PIEZO2: variants seen among roughly 807,000 people sequenced by gnomAD.
PIEZO2 encodes the protein piezo type mechanosensitive ion channel component 2, also known as piezo-type mechanosensitive ion channel component 2.
In PIEZO2, 172 loss-of-function variants were observed where a neutral mutation model predicts 337.3. That is an observed-to-expected ratio of 0.51 (90% CI 0.45 to 0.58). The LOEUF is 0.58. Among genes scored for constraint, PIEZO2 ranks in the 20% least tolerant of loss-of-function variants. PIEZO2 has a pLI of 0.00. For synonymous variants in PIEZO2, 1,251 were observed against 1,228.5 expected, an observed-to-expected ratio of 1.02 and a Z score of -0.38; for missense variants, 3,028 against 3,391.3, an observed-to-expected ratio of 0.89 and a Z score of 2.66.
At chr18:11,039,016 G>A (rs1431570948) in intron 2 of PIEZO2, among the ~76,000 whole-genome samples, 1 of 152,154 alleles carries the variant, frequency 6.6e-6, no homozygotes, top group Non-Finnish European at 1.5e-5. Flanking sequence ...TAGGATATGT[G>A]TCTAATTCAC....
chr18:10,855,215 C>A lies in PIEZO2; in HGVS notation c.917+138G>T. ...AATGAAAGTGCTAGACTGCTTCACCCACCCCCACAAAATCTTTGCTTAACA... is the reference window on the plus strand; with the variant it reads ...AATGAAAGTGCTAGACTGCTTCACCAACCCCCACAAAATCTTTGCTTAACA... On this transcript the variant is annotated intron_variant, in intron 7 of 55. Transcript: ENST00000674853. The surrounding 1 kb of genome is among the most constrained non-coding windows in gnomAD (Gnocchi z 4.9). The A allele has an allele frequency of 1.4e-6, 1 of 730,660 alleles. No homozygotes were observed. The highest frequency in any genetic ancestry group is 1.8e-5 in the African/African-American group (1 of 56,626). The allele number at this position is 730,660 out of a possible 1,614,324, so 45.3% of individuals were successfully genotyped here.
rs1019484362 is a variant in PIEZO2 at position 10,834,580 on chromosome 18, C to T, written c.917+20773G>A. On this transcript the variant is annotated intron_variant, in intron 7 of 55. Transcript: ENST00000674853. The surrounding 1 kb of genome is among the most constrained non-coding windows in gnomAD (Gnocchi z 4.5). ...TTGAATCCCTGCTGGGTGTCAGGCA[C>T]TTGACACCCACAGCCTGTTTTAACA... Among the ~76,000 whole-genome samples, 3 of 152,158 alleles carry T rather than the reference C, an allele frequency of 2.0e-5. No individual in the cohort carries two copies. The highest frequency in any genetic ancestry group is 4.4e-5 in the Non-Finnish European group (3 of 68,042).
chr18:10,758,386 C>T lies in PIEZO2; in HGVS notation c.3758-252G>A, dbSNP rs7228152. On this transcript the variant is annotated intron_variant, in intron 26 of 55. Coordinates refer to ENST00000674853, the MANE Select transcript of PIEZO2 (RefSeq NM_001378183.1). ...GAGTCTCTGAATTTTGTTTGCACATCGGTGAGAGAAATATTAGGTGCTACT... is the reference window on the plus strand; with the variant it reads ...GAGTCTCTGAATTTTGTTTGCACATTGGTGAGAGAAATATTAGGTGCTACT... 0.82 allele frequency among the ~76,000 whole-genome samples: 124,018 copies of T among 152,148 alleles called. 50,787 individuals carry two copies. Among genetic ancestry groups the T allele is most frequent in the East Asian group, 0.91 (4,708 of 5,166 alleles).
chr18:10,965,444 G>T lies in PIEZO2; in HGVS notation c.286+14091C>A, dbSNP rs557284286. ...GTGTTTCTTGCTCATTTGTACACTG[G>T]AGTGAGGCTGTCAGTAAGGATTTCT... On this transcript the variant is annotated intron_variant, in intron 3 of 55. Transcript: ENST00000674853. Among the ~76,000 whole-genome samples, 15 of 152,254 alleles carry T rather than the reference G, an allele frequency of 9.9e-5. No individual in the cohort carries two copies. The East Asian group carries it at 2.9e-3, about 29-fold the overall frequency.
chr18:10,935,263 A>G (rs573953346), intron 3 of PIEZO2, among the ~76,000 whole-genome samples: 2 of 152,318 alleles, frequency 1.3e-5, no homozygotes, highest in African/African-American at 4.8e-5. Context: ...GATTATGAAT[A>G]GAAAGATTTG....
In PIEZO2 at chr18:10,877,205, C is replaced by T. The variant is rs11663039; in HGVS notation, c.330-5790G>A. Among the ~76,000 whole-genome samples the T allele has an allele frequency of 0.27, 40,844 of 152,090 alleles. 5,726 individuals carry two copies. Among genetic ancestry groups the T allele is most frequent in the Non-Finnish European group, 0.32 (21,549 of 67,950 alleles). On this transcript the variant is annotated intron_variant, in intron 4 of 55. Transcript: ENST00000674853. This position sits in a 1 kb window ranked among gnomAD's most constrained non-coding sequence, Gnocchi z 5.3. ...CAAGATCACCCTGGATGATATCCAT[C>T]CCCAAGGCCCTAATCAGCATCCACA... is the stretch of plus-strand genomic sequence containing the variant.
rs1260497626 is a variant in PIEZO2 at position 10,726,324 on chromosome 18, C to G, written c.5029+5083G>C. On this transcript the variant is annotated intron_variant, in intron 36 of 55. Coordinates refer to ENST00000674853, the MANE Select transcript of PIEZO2 (RefSeq NM_001378183.1). This position sits in a 1 kb window ranked among gnomAD's most constrained non-coding sequence, Gnocchi z 5.9. ...CGGCCAGGTGGAGCAGGTGGGTCCCCGAACGCCCCGCCCAGCGCTGCCTCC... is the reference window on the plus strand; with the variant it reads ...CGGCCAGGTGGAGCAGGTGGGTCCCGGAACGCCCCGCCCAGCGCTGCCTCC... 30 of 1,397,746 alleles carry G rather than the reference C, an allele frequency of 2.1e-5. No homozygotes were observed. The Admixed American group carries it at 4.2e-4, about 20-fold the overall frequency. The allele number at this position is 1,397,746 out of a possible 1,614,324, so 86.6% of individuals were successfully genotyped here. A position where few individuals can be genotyped will look rare whatever the true frequency, so the allele number is the denominator to read the frequency against.
chr18:10,936,525 G>C (rs1421362088), intron 3 of PIEZO2, among the ~76,000 whole-genome samples: 1 of 152,116 alleles, frequency 6.6e-6, no homozygotes, highest in Admixed American at 6.5e-5. Context: ...CGAAAATGTT[G>C]CCTACCACTG....
chr18:10,726,760 A>G lies in PIEZO2; in HGVS notation c.5029+4647T>C. 31 of 1,501,506 alleles carry G rather than the reference A, an allele frequency of 2.1e-5. No individual in the cohort carries two copies. Among genetic ancestry groups the G allele is most frequent in the Non-Finnish European group, 2.9e-5 (31 of 1,081,538 alleles). The allele number at this position is 1,501,506 out of a possible 1,614,324, so 93.0% of individuals were successfully genotyped here. On this transcript the variant is annotated intron_variant, in intron 36 of 55. Coordinates refer to ENST00000674853, the MANE Select transcript of PIEZO2 (RefSeq NM_001378183.1). This position sits in a 1 kb window ranked among gnomAD's most constrained non-coding sequence, Gnocchi z 5.9. Reference sequence around the variant, plus strand: ...CCAGACCATCGATTTCCCGCTGCTGACCTCACTGGGCAAGGTGTCCTATGA... The same window carrying G: ...CCAGACCATCGATTTCCCGCTGCTGGCCTCACTGGGCAAGGTGTCCTATGA...
rs1170351454 is a variant in PIEZO2 at position 10,748,425 on chromosome 18, G to A, written c.4424+46C>T. The A allele has an allele frequency of 3.3e-6, 5 of 1,517,490 alleles. No homozygotes were observed. In the Admixed American group the frequency reaches 1.0e-4, roughly 30 times the overall value. 94.0% of individuals were successfully genotyped at this position (1,517,490 alleles called of 1,614,324 possible). A position where few individuals can be genotyped will look rare whatever the true frequency, so the allele number is the denominator to read the frequency against. ...GAAATGATAGTGCAATATTATTTCA[G>A]GCAAGTTTCCTGGGAGAAACCACCT... On this transcript the variant is annotated intron_variant, in intron 30 of 55. Transcript: ENST00000674853. This position sits in a 1 kb window ranked among gnomAD's most constrained non-coding sequence, Gnocchi z 5.1.
At chr18:10,764,373 G>T (rs1354222683) in intron 21 of PIEZO2, among the ~76,000 whole-genome samples, 1 of 152,122 alleles carries the variant, frequency 6.6e-6, no homozygotes, top group Non-Finnish European at 1.5e-5. Context: ...CGGGTGAGGT[G>T]GCTCACGCCT....
chr18:11,133,166 T>A (rs1310479457), intron 1 of PIEZO2, among the ~76,000 whole-genome samples: 2 of 152,246 alleles, frequency 1.3e-5, no homozygotes, highest in African/African-American at 4.8e-5. Context: ...ACACTTGTAC[T>A]CAGAAAATCA....
Position 10,682,004 on chromosome 18 carries a change from C to T in PIEZO2, c.7686+100G>A. 1 of 1,181,546 alleles carries T rather than the reference C, an allele frequency of 8.5e-7. No homozygotes were observed. Among genetic ancestry groups the T allele is most frequent in the Non-Finnish European group, 1.2e-6 (1 of 863,320 alleles). 73.2% of individuals were successfully genotyped at this position (1,181,546 alleles called of 1,614,324 possible). A position where few individuals can be genotyped will look rare whatever the true frequency, so the allele number is the denominator to read the frequency against. ...TTGCTGAGCAGTCAAATGCCGACAGCAGGGTCGGCAGCCCATGACTAAACA... is the reference window on the plus strand; with the variant it reads ...TTGCTGAGCAGTCAAATGCCGACAGTAGGGTCGGCAGCCCATGACTAAACA... On this transcript the variant is annotated intron_variant, in intron 50 of 55. Coordinates refer to ENST00000674853, the MANE Select transcript of PIEZO2 (RefSeq NM_001378183.1). The surrounding 1 kb of genome is among the most constrained non-coding windows in gnomAD (Gnocchi z 5.6).
At chr18:11,061,468 T>C (rs192704852) in intron 2 of PIEZO2, among the ~76,000 whole-genome samples, 97,706 of 150,582 alleles carry the variant, frequency 0.65, 32,355 homozygotes, top group East Asian at 0.97. Context: ...GTCAAATTGT[T>C]CCTGTTTGCA....
At chr18:11,064,250 A>T (rs1000465174) in intron 2 of PIEZO2, among the ~76,000 whole-genome samples, 1 of 152,172 alleles carries the variant, frequency 6.6e-6, no homozygotes, top group Non-Finnish European at 1.5e-5. Flanking sequence ...CAACTATATA[A>T]ACAAACACAT....
chr18:11,144,834 T>G (rs2040766567), intron 1 of PIEZO2, among the ~76,000 whole-genome samples: 1 of 152,132 alleles, frequency 6.6e-6, no homozygotes, highest in African/African-American at 2.4e-5. Flanking sequence ...TTCCCCTTTC[T>G]TCCCCCTGAA....
Position 11,131,067 on chromosome 18 carries a change from C to A in PIEZO2, c.64+17458G>T, listed in dbSNP as rs1243991507. On this transcript the variant is annotated intron_variant, in intron 1 of 55. Coordinates refer to ENST00000674853, the MANE Select transcript of PIEZO2 (RefSeq NM_001378183.1). This position sits in a 1 kb window ranked among gnomAD's most constrained non-coding sequence, Gnocchi z 5.3. ...AGGCCTCTAGGATTTTGGAGCAAGG[C>A]CCTGCCACCTTCTGCAGATAACTAC... Among the ~76,000 whole-genome samples, 1 of 152,162 alleles carries A rather than the reference C, an allele frequency of 6.6e-6. No individual in the cohort carries two copies. The highest frequency in any genetic ancestry group is 1.5e-5 in the Non-Finnish European group (1 of 68,010).
chr18:10,691,732 A>G lies in PIEZO2; in HGVS notation c.7191-349T>C, dbSNP rs993331645. ...TAGACTCCTGAAAGAAAAAGCCTAT[A>G]TACATTATATATATGATATATTAAA... On this transcript the variant is annotated intron_variant, in intron 47 of 55. Transcript: ENST00000674853. Among the ~76,000 whole-genome samples, 15 of 133,512 alleles carry G rather than the reference A, an allele frequency of 1.1e-4. 1 individual carries two copies. In the East Asian group the frequency reaches 3.5e-3, roughly 31 times the overall value. 87.6% of individuals were successfully genotyped at this position (133,512 alleles called of 152,430 possible).
intron 13 of PIEZO2, among the ~76,000 whole-genome samples, chr18:10,793,503 T>C (rs1199039642): frequency 1.3e-5 from 2 of 152,214 alleles, no homozygotes; most frequent in Non-Finnish European, 2.9e-5. Flanking sequence ...ACAATTCAAC[T>C]AGTGACTTGG....
Sources: allele counts gnomAD v4.1 joint callset (sites outside exome capture counted in the v4.1 genomes callset), GRCh38; gene constraint gnomAD v4.1.1; non-coding constraint Gnocchi (gnomAD v3.1); transcripts MANE v1.5; gene names NCBI Gene and HGNC (gene_info 2026-07-23, HGNC 2026-07-21).